FBLN1: variants seen among roughly 807,000 people sequenced by gnomAD.
The protein encoded by FBLN1 is fibulin-1.
FBLN1 carries 34 observed loss-of-function variants against 89.7 expected under a neutral mutation model. The ratio of observed to expected loss-of-function variants is 0.38; its 90% CI spans 0.29 to 0.50. The LOEUF (loss-of-function observed/expected upper bound fraction) is 0.50. Ranked by LOEUF, FBLN1 falls within the 20% of genes least tolerant of loss-of-function variation. FBLN1 has a pLI of 0.92. For missense variants in FBLN1, 777 were observed against 988.1 expected (o/e 0.79, Z 2.86); for synonymous variants, 393 against 391.3 (o/e 1.00, Z -0.05).
At chr22:45,573,869 A>G (rs1211641599) in intron 14 of FBLN1, among the ~76,000 whole-genome samples, 1 of 151,986 alleles carries the variant, frequency 6.6e-6, no homozygotes, top group Non-Finnish European at 1.5e-5. Flanking sequence ...TCGTTAAACT[A>G]TACTTTCATT....
intron 16 of FBLN1, among the ~76,000 whole-genome samples, chr22:45,593,066 T>TG (rs1438580145): frequency 6.6e-6 from 1 of 152,128 alleles, no homozygotes; most frequent in Non-Finnish European, 1.5e-5. Flanking sequence ...AGCTGGTCGA[T>TG]GCAGAGCCAC....
Position 45,549,093 on chromosome 22 carries a change from G to A in FBLN1, c.1573+349G>A, listed in dbSNP as rs771710121. Among the ~76,000 whole-genome samples, 35 of 152,320 alleles carry A rather than the reference G, an allele frequency of 2.3e-4. No homozygotes were observed. The highest frequency in any genetic ancestry group is 3.4e-4 in the Non-Finnish European group (23 of 68,022). ...GCCCGCCAGGGAGGAAGCAGTCCAG[G>A]CCAGGGGATGGCGTGGCCTGGTGTG... On this transcript the variant is annotated intron_variant, in intron 13 of 16. Transcript: ENST00000327858. This position sits in a 1 kb window ranked among gnomAD's most constrained non-coding sequence, Gnocchi z 5.7.
At chr22:45,507,828 C>G (rs1054133296) in intron 1 of FBLN1, among the ~76,000 whole-genome samples, 4 of 152,210 alleles carry the variant, frequency 2.6e-5, no homozygotes, top group South Asian at 2.1e-4. Context: ...GCGCCTGGCC[C>G]TGTTTTTCAT....
In FBLN1 at chr22:45,514,150, AGGATATGTCTGAG is replaced by A. The variant is rs375602040; in HGVS notation, c.80-4529_80-4517del. 5.1e-3 allele frequency among the ~76,000 whole-genome samples: 771 copies of A among 152,238 alleles called. 7 individuals carry two copies. Among genetic ancestry groups the A allele is most frequent in the African/African-American group, 0.018 (742 of 41,554 alleles). On this transcript the variant is annotated intron_variant, in intron 1 of 16. Coordinates refer to ENST00000327858, the MANE Select transcript of FBLN1 (RefSeq NM_006486.3). ...TTTCTAATCGGAATGTGTCTTGGAA[AGGATATGTCTGAG>A]GGGTGGGAGTGGAGTTGGTTTTGTG...
chr22:45,563,196 A>G lies in FBLN1; in HGVS notation c.1698-11315A>G. The G allele has an allele frequency of 6.2e-7, 1 of 1,613,644 alleles. No homozygotes were observed. Among genetic ancestry groups the G allele is most frequent in the Non-Finnish European group, 8.5e-7 (1 of 1,180,006 alleles). The stretch of plus-strand genomic sequence containing the variant: ...GACTTGCTCCTGACCGTCAAGATGG[A>G]TCTCTCTCGCCACGGCACCGTCAGC... On this transcript the variant is annotated intron_variant, in intron 14 of 16. Coordinates refer to ENST00000327858, the MANE Select transcript of FBLN1 (RefSeq NM_006486.3). This position sits in a 1 kb window ranked among gnomAD's most constrained non-coding sequence, Gnocchi z 5.7.
chr22:45,530,244 G>A lies in FBLN1; in HGVS notation c.485-1021G>A, dbSNP rs2088386855. The stretch of plus-strand genomic sequence containing the variant: ...ACAAACCCAAACCATTCCTGCTGGT[G>A]GAGGATTTCTCCTGCATCTCGGGGG... On this transcript the variant is annotated intron_variant, in intron 4 of 16. Coordinates refer to ENST00000327858, the MANE Select transcript of FBLN1 (RefSeq NM_006486.3). The surrounding 1 kb of genome is among the most constrained non-coding windows in gnomAD (Gnocchi z 5.4). 6.6e-6 allele frequency among the ~76,000 whole-genome samples: 1 copy of A among 151,908 alleles called. No homozygotes were observed. Among genetic ancestry groups the A allele is most frequent in the Non-Finnish European group, 1.5e-5 (1 of 67,968 alleles).
intron 1 of FBLN1, chr22:45,518,436 C>T: frequency 1.8e-6 from 1 of 566,900 alleles, no homozygotes; most frequent in Admixed American, 2.7e-5. Flanking sequence ...AGCCGCAGCC[C>T]TGTCCAAGCT....
chr22:45,540,202 C>T (rs1239088824), intron 8 of FBLN1, among the ~76,000 whole-genome samples: 1 of 152,196 alleles, frequency 6.6e-6, no homozygotes, highest in Non-Finnish European at 1.5e-5. Flanking sequence ...CCCTGGTTGG[C>T]CCCTGACTTC....
Position 45,525,540 on chromosome 22 carries a change from C to G in FBLN1, c.186-3C>G. On this transcript the variant is annotated splice_region_variant and splice_polypyrimidine_tract_variant and intron_variant, in intron 2 of 16. Coordinates refer to ENST00000327858, the MANE Select transcript of FBLN1 (RefSeq NM_006486.3). ...CTTGGCCCAGCCCACCCCTCACCCA[C>G]AGGATGGTGCAGGAGCAGTGCTGCC... The G allele has an allele frequency of 6.5e-7, 1 of 1,549,174 alleles. No homozygotes were observed. The highest frequency in any genetic ancestry group is 8.7e-7 in the Non-Finnish European group (1 of 1,146,790).
chr22:45,592,603 C>T (rs1165576302), intron 16 of FBLN1, among the ~76,000 whole-genome samples: 1 of 152,226 alleles, frequency 6.6e-6, no homozygotes, highest in Non-Finnish European at 1.5e-5. Context: ...GCTGGGATGA[C>T]AGGCGTGAGT....
chr22:45,555,166 G>A (rs1333846612), intron 14 of FBLN1, among the ~76,000 whole-genome samples: 1 of 151,832 alleles, frequency 6.6e-6, no homozygotes, highest in Non-Finnish European at 1.5e-5. Context: ...ACCGCAGGAG[G>A]TTGGGACCCG....
At chr22:45,589,067 TTATATATAAAAATATTTTTTA>T (rs1476951758) in intron 16 of FBLN1, among the ~76,000 whole-genome samples, 3 of 50,494 alleles carry the variant, frequency 5.9e-5, no homozygotes, top group South Asian at 8.4e-4. Flanking sequence ...TATGTATTTT[TTATATATAAAAATATTTTTTA>T]TATATATAAA....
At chr22:45,514,151 G>T (rs1031581477) in intron 1 of FBLN1, among the ~76,000 whole-genome samples, 2 of 150,652 alleles carry the variant, frequency 1.3e-5, no homozygotes, top group Non-Finnish European at 2.9e-5. Flanking sequence ...GTCTTGGAAA[G>T]GATATGTCTG....
intron 14 of FBLN1, among the ~76,000 whole-genome samples, chr22:45,559,643 A>G (rs568143006): frequency 5.3e-5 from 8 of 152,322 alleles, no homozygotes; most frequent in African/African-American, 1.9e-4. Context: ...GACCTGAGCT[A>G]AAACTCCATT....
chr22:45,529,247 G>A (rs1026333311), intron 4 of FBLN1, among the ~76,000 whole-genome samples: 6 of 152,332 alleles, frequency 3.9e-5, no homozygotes, highest in South Asian at 2.1e-4. Flanking sequence ...GGGGGCCATC[G>A]CTGGCTAATA....
At chr22:45,571,243 C>G (rs910764081) in intron 14 of FBLN1, among the ~76,000 whole-genome samples, 1 of 151,470 alleles carries the variant, frequency 6.6e-6, no homozygotes, top group African/African-American at 2.4e-5. Context: ...GACAGCAACA[C>G]TTTATGCTAA....
intron 8 of FBLN1, among the ~76,000 whole-genome samples, chr22:45,539,944 C>T (rs1050784300): frequency 4.6e-5 from 7 of 152,308 alleles, no homozygotes; most frequent in African/African-American, 1.4e-4. Flanking sequence ...GGGCAGGGGC[C>T]ACCCAGCTGT....
At chr22:45,587,133 A>G (rs2089094205) in intron 16 of FBLN1, among the ~76,000 whole-genome samples, 1 of 152,076 alleles carries the variant, frequency 6.6e-6, no homozygotes, top group Non-Finnish European at 1.5e-5. Context: ...CGTGCGCATC[A>G]TGGCAAAATG....
In FBLN1 at chr22:45,562,797, A is replaced by T; in HGVS notation, c.1698-11714A>T. 9.8e-7 allele frequency: 1 copy of T among 1,017,642 alleles called. No individual in the cohort carries two copies. The highest frequency in any genetic ancestry group is 1.5e-6 in the Non-Finnish European group (1 of 650,512). 63.0% of individuals were successfully genotyped at this position (1,017,642 alleles called of 1,614,324 possible). A position where few individuals can be genotyped will look rare whatever the true frequency, so the allele number is the denominator to read the frequency against. ...GCCCTTCGTGTTGGCTGAATCGGCC[A>T]GAGGGGCGGCGGGAGGCCCCGCCTG... On this transcript the variant is annotated intron_variant, in intron 14 of 16. Transcript: ENST00000327858. The surrounding 1 kb of genome is among the most constrained non-coding windows in gnomAD (Gnocchi z 7.8).
Sources: allele counts gnomAD v4.1 joint callset (sites outside exome capture counted in the v4.1 genomes callset), GRCh38; gene constraint gnomAD v4.1.1; non-coding constraint Gnocchi (gnomAD v3.1); transcripts MANE v1.5; gene names NCBI Gene and HGNC (gene_info 2026-07-23, HGNC 2026-07-21).